NT5C3A: variants seen among roughly 807,000 people sequenced by gnomAD.
The protein encoded by NT5C3A is cytosolic 5'-nucleotidase 3A.
NT5C3A carries 23 observed loss-of-function variants against 40.0 expected under a neutral mutation model. The ratio of observed to expected loss-of-function variants is 0.58; its 90% CI spans 0.41 to 0.81. The LOEUF (loss-of-function observed/expected upper bound fraction) is 0.81. NT5C3A is among the 40% of genes least tolerant of loss of function. The probability of loss-of-function intolerance (pLI) is 0.00; values close to 1 mark genes in which losing one functional copy is unlikely to be tolerated. For missense variants in NT5C3A, 328 were observed against 403.0 expected (o/e 0.81, Z 1.59); for synonymous variants, 130 against 141.4 (o/e 0.92, Z 0.57).
At chr7:33,038,386 G>C (rs1353747837) in intron 1 of NT5C3A, among the ~76,000 whole-genome samples, 2 of 151,830 alleles carry the variant, frequency 1.3e-5, no homozygotes, top group Non-Finnish European at 2.9e-5. Flanking sequence ...TACATTTTGA[G>C]TTTAAAGGGG....
chr7:33,056,331 G>C (rs1787564146), intron 1 of NT5C3A, among the ~76,000 whole-genome samples: 1 of 151,570 alleles, frequency 6.6e-6, no homozygotes, highest in African/African-American at 2.4e-5. Flanking sequence ...TAAAAATTGA[G>C]ATATGGAGAT....
chr7:33,029,628 C>T (rs1344319254), intron 1 of NT5C3A: 1 of 1,286,596 alleles, frequency 7.8e-7, no homozygotes, highest in East Asian at 5.6e-5. Context: ...AGATGTCTTA[C>T]CTCAGGCAAA....
intron 1 of NT5C3A, among the ~76,000 whole-genome samples, chr7:33,054,521 G>A (rs1287228789): frequency 6.6e-6 from 1 of 152,122 alleles, no homozygotes; most frequent in Middle Eastern, 3.2e-3. Context: ...TACACAGGTT[G>A]AGAGTATCCT....
At chr7:33,030,535 A>G (rs942311409) in intron 1 of NT5C3A, among the ~76,000 whole-genome samples, 2 of 152,224 alleles carry the variant, frequency 1.3e-5, no homozygotes, top group Non-Finnish European at 2.9e-5. Context: ...TAAAAAGAGA[A>G]CAAATTCATT....
At chr7:33,041,239 G>A in intron 1 of NT5C3A, 1 of 562,650 alleles carries the variant, frequency 1.8e-6, no homozygotes, top group Non-Finnish European at 2.3e-6. Context: ...GTGTACTTCT[G>A]ATATGTGAAC....
At chr7:33,033,977 G>A (rs1242424473) in intron 1 of NT5C3A, among the ~76,000 whole-genome samples, 3 of 149,538 alleles carry the variant, frequency 2.0e-5, no homozygotes, top group Non-Finnish European at 3.0e-5. Context: ...TGCAAGCTCC[G>A]CCTCCTGGGT....
chr7:33,061,757 T>C (rs1787787750), intron 1 of NT5C3A, among the ~76,000 whole-genome samples: 1 of 152,180 alleles, frequency 6.6e-6, no homozygotes, highest in African/African-American at 2.4e-5. Context: ...TACCCAGGAT[T>C]ATGCATTTCA....
At chr7:33,024,218 C>T in intron 2 of NT5C3A, 110 bp from the exon 3 acceptor site, 2 of 709,804 alleles carry the variant, frequency 2.8e-6, no homozygotes, top group South Asian at 1.5e-5. Flanking sequence ...TAGGACTGTG[C>T]TCAAGTCTCT....
chr7:33,036,402 T>C (rs867893237), intron 1 of NT5C3A: 13 of 237,556 alleles, frequency 5.5e-5, no homozygotes, highest in South Asian at 1.1e-4. Flanking sequence ...GGGAGTGCAA[T>C]GAGGCAAAAG....
At chr7:33,024,801 T>G (rs559349220) in intron 2 of NT5C3A, among the ~76,000 whole-genome samples, 1 of 152,300 alleles carries the variant, frequency 6.6e-6, no homozygotes, top group Non-Finnish European at 1.5e-5. Flanking sequence ...AAATATCACA[T>G]GTACCGCATA....
chr7:33,024,512 T>C (rs1190346875), intron 2 of NT5C3A, among the ~76,000 whole-genome samples: 1 of 151,864 alleles, frequency 6.6e-6, no homozygotes, highest in East Asian at 1.9e-4. Context: ...GTTGATCTCA[T>C]GGAAACAGAG....
intron 1 of NT5C3A, chr7:33,029,289 T>G (rs1262099994): frequency 5.5e-6 from 1 of 180,358 alleles, no homozygotes; most frequent in Non-Finnish European, 1.2e-5. Context: ...CTAACCAATA[T>G]TTACCATGTG....
At chr7:33,025,117 C>T (rs954728984) in intron 2 of NT5C3A, among the ~76,000 whole-genome samples, 5 of 151,468 alleles carry the variant, frequency 3.3e-5, no homozygotes, top group Admixed American at 1.3e-4. Context: ...CCAACCTGGG[C>T]GACAGAATAA....
rs550418451 is a variant in NT5C3A at position 33,062,574 on chromosome 7, G to A, written c.132C>T (p.Ile44=). The A allele has an allele frequency of 6.2e-7, 1 of 1,610,050 alleles. No homozygotes were observed. Among genetic ancestry groups the A allele is most frequent in the African/African-American group, 1.3e-5 (1 of 74,754 alleles). Residue 44 remains isoleucine (I), a synonymous_variant, in exon 1 of 9, where the codon ATC becomes ATT. Transcript: ENST00000610140. ...KRKTGRKTKI[I]EMMPEFQKSS... Reference sequence around the variant, plus strand: ...GCCGAGCCTCCACACTCACCATCTCGATGATCTTGGTCTTCCGCCCCGTCT... The same window carrying A: ...GCCGAGCCTCCACACTCACCATCTCAATGATCTTGGTCTTCCGCCCCGTCT...
chr7:33,039,555 G>GTTT lies in NT5C3A; in HGVS notation c.139-12643_139-12641dup, dbSNP rs776873396. On this transcript the variant is annotated intron_variant, in intron 1 of 8. Coordinates refer to ENST00000610140, the MANE Select transcript of NT5C3A (RefSeq NM_001002010.5). ...TACTATTTGACTTTCTTAAGCTTGG[G>GTTT]TTTTTTGTTTTTTTTTTTTTTTAAT... Among the ~76,000 whole-genome samples the GTTT allele has an allele frequency of 1.4e-3, 96 of 70,026 alleles. 6 individuals are homozygous for GTTT. Among genetic ancestry groups the GTTT allele is most frequent in the East Asian group, 2.4e-3 (6 of 2,486 alleles). 45.9% of individuals were successfully genotyped at this position (70,026 alleles called of 152,430 possible). A position where few individuals can be genotyped will look rare whatever the true frequency, so the allele number is the denominator to read the frequency against.
At chr7:33,030,959 C>T (rs1450932480) in intron 1 of NT5C3A, among the ~76,000 whole-genome samples, 2 of 151,864 alleles carry the variant, frequency 1.3e-5, no homozygotes, top group African/African-American at 2.4e-5. Flanking sequence ...ATTAGCCAGG[C>T]GAGGTGGCGG....
chr7:33,056,511 A>G (rs1293935104), intron 1 of NT5C3A, among the ~76,000 whole-genome samples: 3 of 121,102 alleles, frequency 2.5e-5, no homozygotes, highest in Admixed American at 9.5e-5. Flanking sequence ...AAAAAAAAAA[A>G]AAAAATTTAA....
rs1226260693 is a variant in NT5C3A at position 33,026,353 on chromosome 7, GAAAAAA to G, written c.237+458_237+463del. On this transcript the variant is annotated intron_variant, in intron 2 of 8. Transcript: ENST00000610140. Reference sequence around the variant, plus strand: ...AACAGAGCGAGACTCCATCTCAAAAGAAAAAAAAAAAAAAAAAAAAGAAGCCTTTAT... The same window carrying G: ...AACAGAGCGAGACTCCATCTCAAAAGAAAAAAAAAAAAAAGAAGCCTTTAT... 8.5e-5 allele frequency among the ~76,000 whole-genome samples: 8 copies of G among 94,178 alleles called. No individual in the cohort carries two copies. In the South Asian group the frequency reaches 2.6e-3, roughly 31 times the overall value. The allele number at this position is 94,178 out of a possible 152,430, so 61.8% of individuals were successfully genotyped here.
chr7:33,056,474 A>C (rs13222705), intron 1 of NT5C3A, among the ~76,000 whole-genome samples: 1 of 6,048 alleles, frequency 1.7e-4, no homozygotes, highest in Non-Finnish European at 2.9e-4. Flanking sequence ...CGTCTCTACC[A>C]AAAAAAAAAA....
Sources: gnomAD v4.1 joint callset for allele counts (sites outside exome capture counted in the v4.1 genomes callset) on GRCh38, gnomAD v4.1.1 for gene constraint, MANE v1.5 for transcripts, NCBI Gene and HGNC (gene_info 2026-07-23, HGNC 2026-07-21) for gene names.